TENM3: variants seen among roughly 807,000 people sequenced by gnomAD.
TENM3 encodes teneurin transmembrane protein 3.
Under a neutral mutation model 255.1 loss-of-function variants are expected in TENM3, and 63 were observed. The observed-to-expected ratio is 0.25, with a 90% CI of 0.20 to 0.30. The LOEUF (loss-of-function observed/expected upper bound fraction) is 0.30, where lower values mean the gene tolerates loss of function less well. Among genes scored for constraint, TENM3 ranks in the 10% least tolerant of loss-of-function variants. TENM3 has a pLI of 1.00. For missense variants in TENM3, 2,929 were observed against 3,461.1 expected (o/e 0.85, Z 3.86); for synonymous variants, 1,306 against 1,322.3 (o/e 0.99, Z 0.27).
chr4:181,528,946 A>G, the TENM3 span, among the ~76,000 whole-genome samples: 1 of 152,262 alleles, frequency 6.6e-6, no homozygotes, highest in Non-Finnish European at 1.5e-5. Context: ...TAGTTGATAT[A>G]AATATATGTC....
chr4:182,227,004 C>A (rs908994185), intron 1 of TENM3, among the ~76,000 whole-genome samples: 12 of 152,158 alleles, frequency 7.9e-5, no homozygotes, highest in Non-Finnish European at 8.8e-5. Context: ...AGCTGTCTGT[C>A]TTAACTCATC....
the TENM3 span, among the ~76,000 whole-genome samples, chr4:181,605,527 A>G: frequency 1.8e-4 from 4 of 22,714 alleles, no homozygotes; most frequent in South Asian, 9.3e-3. Flanking sequence ...AGAAAGAAAG[A>G]AAGAAAGAAA....
the TENM3 span, among the ~76,000 whole-genome samples, chr4:181,509,613 G>T: frequency 6.6e-6 from 1 of 152,086 alleles, no homozygotes; most frequent in African/African-American, 2.4e-5. Context: ...GCCTTCTTAA[G>T]GTCACAATAA....
intron 24 of TENM3, among the ~76,000 whole-genome samples, chr4:182,783,622 G>A (rs1225324128): frequency 1.4e-5 from 2 of 146,076 alleles, no homozygotes; most frequent in East Asian, 4.3e-4. Context: ...GATTGGGGAA[G>A]TTCTCCTGGA....
chr4:182,619,323 T>A (rs954245643), intron 4 of TENM3, among the ~76,000 whole-genome samples: 8 of 151,742 alleles, frequency 5.3e-5, no homozygotes, highest in Admixed American at 2.6e-4. Flanking sequence ...CCCAGCTACT[T>A]GGGAGGCTGA....
At chr4:182,617,431 A>G (rs1309173631) in intron 4 of TENM3, among the ~76,000 whole-genome samples, 1 of 152,218 alleles carries the variant, frequency 6.6e-6, no homozygotes, top group Non-Finnish European at 1.5e-5. Flanking sequence ...TTCCAGGTAC[A>G]TTTAATCCAC....
chr4:182,351,343 A>G (rs1036706953), intron 3 of TENM3, among the ~76,000 whole-genome samples: 1 of 152,246 alleles, frequency 6.6e-6, no homozygotes, highest in Non-Finnish European at 1.5e-5. Context: ...ATCGCTTCCC[A>G]GAAGCAGCCA....
chr4:182,054,496 CA>C, the TENM3 span, among the ~76,000 whole-genome samples: 1 of 151,872 alleles, frequency 6.6e-6, no homozygotes, highest in Non-Finnish European at 1.5e-5. Flanking sequence ...GAGATTGGGA[CA>C]AAAACAAATA....
intron 13 of TENM3, among the ~76,000 whole-genome samples, chr4:182,717,801 AACTTT>A (rs2152685900): frequency 6.6e-6 from 1 of 152,286 alleles, no homozygotes; most frequent in African/African-American, 2.4e-5. Context: ...CTTCAACTCC[AACTTT>A]ACTTATGAAG....
the TENM3 span, among the ~76,000 whole-genome samples, chr4:181,521,924 G>A: frequency 5.3e-5 from 8 of 151,622 alleles, no homozygotes; most frequent in Middle Eastern, 3.4e-3. Context: ...GTGAAACCCC[G>A]TCTCTAATTT....
Position 182,775,138 on chromosome 4 carries a change from T to C in TENM3, c.5289T>C (p.Phe1763=). The C allele has an allele frequency of 6.2e-7, 1 of 1,613,994 alleles. No individual in the cohort carries two copies. The highest frequency in any genetic ancestry group is 8.5e-7 in the Non-Finnish European group (1 of 1,179,878). Residue 1763 remains phenylalanine (F), a synonymous_variant, in exon 24 of 28, where the codon TTT becomes TTC. Coordinates refer to ENST00000511685, the MANE Select transcript of TENM3 (RefSeq NM_001080477.4). ...KEQAQGKVNV[F]GRKLRVNGRN... is the part of the protein sequence containing the mutation. ...AAGCCCAAGGGAAAGTCAATGTCTT[T>C]GGCCGCAAGCTCAGGGTACGTACGT...
At chr4:181,522,843 C>CA in the TENM3 span, 1 of 952,424 alleles carries the variant, frequency 1.0e-6, no homozygotes, top group South Asian at 1.3e-5. Context: ...ATTTTCAATG[C>CA]AGGCTCTAAA....
chr4:182,156,119 A>G (rs1018009856), intron 1 of TENM3, among the ~76,000 whole-genome samples: 2 of 150,916 alleles, frequency 1.3e-5, no homozygotes, highest in African/African-American at 4.9e-5. Context: ...GAGCAGGACT[A>G]TGTTGTGTAT....
chr4:182,075,916 A>G, the TENM3 span, among the ~76,000 whole-genome samples: 1 of 151,968 alleles, frequency 6.6e-6, no homozygotes, highest in African/African-American at 2.4e-5. Flanking sequence ...TATATCTTCT[A>G]TCCTTTTCTT....
At chr4:182,387,386 C>T (rs889521130) in intron 3 of TENM3, among the ~76,000 whole-genome samples, 12 of 151,998 alleles carry the variant, frequency 7.9e-5, no homozygotes, top group Non-Finnish European at 1.6e-4. Flanking sequence ...AGGTGGAGAA[C>T]TTTTGTATCT....
intron 6 of TENM3, among the ~76,000 whole-genome samples, chr4:182,660,768 T>C (rs1190347246): frequency 2.0e-5 from 3 of 152,260 alleles, no homozygotes; most frequent in Admixed American, 6.5e-5. Flanking sequence ...GCACTTATGA[T>C]GTGCCACGCA....
At chr4:182,115,027 A>G in the TENM3 span, among the ~76,000 whole-genome samples, 1 of 151,992 alleles carries the variant, frequency 6.6e-6, no homozygotes, top group Non-Finnish European at 1.5e-5. Context: ...GGAATAATAC[A>G]AAAATTAGCC....
rs533587294 is a variant in TENM3, at chr4:182,468,181, G to A, written c.511+121252G>A. ...GTGGGAGGATCGCTTGAGCCCAGGA[G>A]TTTGAGACCAACCTGGGTAATGTAG... is the stretch of plus-strand genomic sequence containing the variant. On this transcript the variant is annotated intron_variant, in intron 3 of 27. Transcript: ENST00000511685. Among the ~76,000 whole-genome samples the A allele has an allele frequency of 1.4e-4, 22 of 152,306 alleles. 1 individual carries two copies. The Middle Eastern group carries it at 0.01, about 71-fold the overall frequency.
intron 1 of TENM3, among the ~76,000 whole-genome samples, chr4:182,177,436 G>A (rs769230243): frequency 1.6e-3 from 243 of 152,066 alleles, no homozygotes; most frequent in Non-Finnish European, 3.0e-3. Flanking sequence ...GGCTCTACCC[G>A]CTGCCCTTGG....
Sources: gnomAD v4.1 joint callset for allele counts (sites outside exome capture counted in the v4.1 genomes callset) on GRCh38, gnomAD v4.1.1 for gene constraint, MANE v1.5 for transcripts, NCBI Gene and HGNC (gene_info 2026-07-23, HGNC 2026-07-21) for gene names.